Variants in NELL1 observed in about 807,000 individuals in gnomAD.
NELL1 encodes protein kinase C-binding protein NELL1.
A neutral mutation model predicts 107.4 loss-of-function variants in NELL1; 76 were observed. The ratio of observed to expected loss-of-function variants is 0.71; its 90% CI spans 0.59 to 0.86. The LOEUF (loss-of-function observed/expected upper bound fraction) is 0.86, where lower values mean the gene tolerates loss of function less well. Ranked by LOEUF, NELL1 falls within the 40% of genes least tolerant of loss-of-function variation. The probability of loss-of-function intolerance (pLI) is 0.00; values close to 1 mark genes in which losing one functional copy is unlikely to be tolerated. For synonymous variants in NELL1, 353 were observed against 341.2 expected (o/e 1.03, Z -0.38); for missense variants, 1,024 against 1,005.5 (o/e 1.02, Z -0.25).
intron 13 of NELL1, among the ~76,000 whole-genome samples, chr11:21,161,000 T>TATACAC (rs1554974859): frequency 7.0e-6 from 1 of 143,138 alleles, no homozygotes; most frequent in African/African-American, 2.6e-5. Flanking sequence ...CTAGCCTTTA[T>TATACAC]ACACACACAC....
chr11:21,044,534 G>A (rs1273413974), intron 12 of NELL1, among the ~76,000 whole-genome samples: 1 of 152,136 alleles, frequency 6.6e-6, no homozygotes, highest in African/African-American at 2.4e-5. Flanking sequence ...GCATGTTGAT[G>A]TTTTAAGATG....
intron 15 of NELL1, among the ~76,000 whole-genome samples, chr11:21,436,363 T>C (rs1486787126): frequency 6.6e-6 from 1 of 152,158 alleles, no homozygotes; most frequent in Non-Finnish European, 1.5e-5. Context: ...TTCTTCCTTA[T>C]TTAATCTTGT....
At chr11:20,787,652 T>G (rs1856995096) in intron 3 of NELL1, among the ~76,000 whole-genome samples, 1 of 152,228 alleles carries the variant, frequency 6.6e-6, no homozygotes, top group South Asian at 2.1e-4. Context: ...TGATTCTGAT[T>G]GTATTACTAG....
intron 15 of NELL1, 61 bp downstream of exon 15, chr11:21,371,009 A>G (rs1313639883): frequency 1.6e-6 from 2 of 1,212,268 alleles, no homozygotes; most frequent in Non-Finnish European, 2.4e-6. Context: ...TGATTCAGAA[A>G]GAATAACAGC....
At chr11:21,423,231 G>A (rs1852734795) in intron 15 of NELL1, among the ~76,000 whole-genome samples, 1 of 151,938 alleles carries the variant, frequency 6.6e-6, no homozygotes, top group Non-Finnish European at 1.5e-5. Context: ...TTAGCTGGGT[G>A]TGGTGGTGTG....
chr11:21,470,733 G>A (rs1854157062), intron 15 of NELL1, among the ~76,000 whole-genome samples: 2 of 152,092 alleles, frequency 1.3e-5, no homozygotes, highest in Non-Finnish European at 2.9e-5. Context: ...TAGCAGAGTA[G>A]AACCTCAGGA....
chr11:21,385,411 G>A (rs557970116), intron 15 of NELL1, among the ~76,000 whole-genome samples: 5 of 151,942 alleles, frequency 3.3e-5, no homozygotes, highest in Admixed American at 6.6e-5. Context: ...AAATATTGTC[G>A]TCAATCACAT....
intron 14 of NELL1, among the ~76,000 whole-genome samples, chr11:21,332,158 G>T (rs562598260): frequency 1.3e-5 from 2 of 151,938 alleles, no homozygotes; most frequent in African/African-American, 4.8e-5. Context: ...GCTTCCATAC[G>T]TTCTTGTCAT....
chr11:20,675,816 C>T (rs150889287), intron 1 of NELL1, among the ~76,000 whole-genome samples: 1 of 152,114 alleles, frequency 6.6e-6, no homozygotes, highest in East Asian at 1.9e-4. Flanking sequence ...CTCTGGCACC[C>T]AGGCTGGAGT....
At chr11:21,103,242 C>T (rs1190271671) in intron 12 of NELL1, among the ~76,000 whole-genome samples, 2 of 152,250 alleles carry the variant, frequency 1.3e-5, no homozygotes, top group Admixed American at 6.5e-5. Flanking sequence ...ACCTCTGGCA[C>T]CAAATCATTT....
intron 14 of NELL1, among the ~76,000 whole-genome samples, chr11:21,249,100 C>T (rs1311139416): frequency 6.6e-6 from 1 of 152,128 alleles, no homozygotes; most frequent in African/African-American, 2.4e-5. Context: ...CAGTTTCTGT[C>T]ATTTTTTAAC....
chr11:21,245,514 G>GT (rs1858467656), intron 14 of NELL1, among the ~76,000 whole-genome samples: 2 of 152,064 alleles, frequency 1.3e-5, no homozygotes, highest in Admixed American at 1.3e-4. Context: ...TGAAGTTCAG[G>GT]TTTTACCTCC....
chr11:21,494,701 T>G (rs971835062), intron 15 of NELL1, among the ~76,000 whole-genome samples: 5 of 152,012 alleles, frequency 3.3e-5, no homozygotes, highest in African/African-American at 1.2e-4. Flanking sequence ...GTAATTTTTA[T>G]AACTGCAATA....
intron 3 of NELL1, among the ~76,000 whole-genome samples, chr11:20,820,240 A>G (rs1042152193): frequency 6.6e-6 from 1 of 152,214 alleles, no homozygotes; most frequent in African/African-American, 2.4e-5. Context: ...TACAGAATGT[A>G]TGAGGCTAAT....
At chr11:21,278,403 TA>T (rs1167898220) in intron 14 of NELL1, among the ~76,000 whole-genome samples, 4 of 152,090 alleles carry the variant, frequency 2.6e-5, no homozygotes, top group Non-Finnish European at 5.9e-5. Flanking sequence ...AAAAATCAAT[TA>T]AAAAATCCCT....
chr11:21,566,627 T>C (rs190346289), intron 17 of NELL1, among the ~76,000 whole-genome samples: 1 of 151,890 alleles, frequency 6.6e-6, no homozygotes, highest in African/African-American at 2.4e-5. Flanking sequence ...TAAGTAGGGA[T>C]TGTTCAAACC....
At chr11:21,456,563 A>G (rs1246717860) in intron 15 of NELL1, among the ~76,000 whole-genome samples, 2 of 151,976 alleles carry the variant, frequency 1.3e-5, no homozygotes, top group Non-Finnish European at 2.9e-5. Flanking sequence ...GAATGGAAAT[A>G]TTTCCTCAGT....
intron 4 of NELL1, among the ~76,000 whole-genome samples, chr11:20,860,595 T>G (rs1272457265): frequency 1.3e-5 from 2 of 152,222 alleles, no homozygotes; most frequent in African/African-American, 4.8e-5. Context: ...TAACTTTCAG[T>G]GTGCTTTATG....
rs570661195 is a variant in NELL1, at chr11:21,570,257, CCTAA to C, written c.1981-503_1981-500del. 1.4e-4 allele frequency among the ~76,000 whole-genome samples: 22 copies of C among 151,858 alleles called. No individual in the cohort carries two copies. In the South Asian group the frequency reaches 4.1e-3, roughly 29 times the overall value. On this transcript the variant is annotated intron_variant, in intron 17 of 19. Coordinates refer to ENST00000357134, the MANE Select transcript of NELL1 (RefSeq NM_006157.5). Reference sequence around the variant, plus strand: ...GGTGGTGCTGCTTGGAGAACCACTACCTAACTATGTCATCTTGGATAAGTGGTTT... The same window carrying C: ...GGTGGTGCTGCTTGGAGAACCACTACCTATGTCATCTTGGATAAGTGGTTT...
Sources: allele counts gnomAD v4.1 joint callset (sites outside exome capture counted in the v4.1 genomes callset), GRCh38; gene constraint gnomAD v4.1.1; transcripts MANE v1.5; gene names NCBI Gene and HGNC (gene_info 2026-07-23, HGNC 2026-07-21).